The following RALGAPA2 variants were observed in gnomAD, a reference collection of about 807,000 sequenced individuals.
RALGAPA2 encodes the protein Ral GTPase activating protein catalytic subunit alpha 2, also known as ral GTPase-activating protein subunit alpha-2.
In RALGAPA2, 139 loss-of-function variants were observed where a neutral mutation model predicts 230.4. The ratio of observed to expected loss-of-function variants is 0.60; its 90% CI spans 0.53 to 0.69. The LOEUF (loss-of-function observed/expected upper bound fraction) is 0.69. Ranked by LOEUF, RALGAPA2 falls within the 30% of genes least tolerant of loss-of-function variation. The pLI is 0.00. For missense variants in RALGAPA2, 2,163 were observed against 2,276.0 expected (o/e 0.95, Z 1.01); for synonymous variants, 847 against 837.8 (o/e 1.01, Z -0.19).
chr20:20,442,948 A>T (rs1602381678), intron 37 of RALGAPA2, among the ~76,000 whole-genome samples: 2 of 152,330 alleles, frequency 1.3e-5, no homozygotes, highest in Admixed American at 1.3e-4. Flanking sequence ...CTTTACAGTT[A>T]AAAGATGAAG....
At chr20:20,487,849 T>C (rs369183238) in intron 36 of RALGAPA2, among the ~76,000 whole-genome samples, 29 of 151,732 alleles carry the variant, frequency 1.9e-4, no homozygotes, top group African/African-American at 7.0e-4. Flanking sequence ...GAGGCAGAGG[T>C]TGCAGTGAGC....
chr20:20,711,603 C>T (rs1435334949), intron 1 of RALGAPA2, among the ~76,000 whole-genome samples: 1 of 152,100 alleles, frequency 6.6e-6, no homozygotes, highest in Non-Finnish European at 1.5e-5. Flanking sequence ...AACTCCAAGC[C>T]CACCTGAGCT....
chr20:20,524,250 C>A (rs2063131340), intron 30 of RALGAPA2, among the ~76,000 whole-genome samples, 156 bp downstream of exon 30: 2 of 152,152 alleles, frequency 1.3e-5, no homozygotes, highest in Non-Finnish European at 2.9e-5. Flanking sequence ...GCTACCGTGC[C>A]CAGCCAAGTT....
intron 3 of RALGAPA2, among the ~76,000 whole-genome samples, chr20:20,666,950 G>A (rs2067974396): frequency 6.6e-6 from 1 of 152,058 alleles, no homozygotes. Context: ...AGGAAAGGAA[G>A]AAGAAAGGAA....
chr20:20,461,258 A>G (rs2061295800), intron 37 of RALGAPA2, among the ~76,000 whole-genome samples: 1 of 152,230 alleles, frequency 6.6e-6, no homozygotes, highest in African/African-American at 2.4e-5. Flanking sequence ...GAGACATTCT[A>G]AAGAGGCTCT....
At chr20:20,660,719 C>CT (rs927543141) in intron 3 of RALGAPA2, among the ~76,000 whole-genome samples, 2 of 152,068 alleles carry the variant, frequency 1.3e-5, no homozygotes, top group Admixed American at 1.3e-4. Context: ...GCATAAAATA[C>CT]TTTTTTCCTG....
chr20:20,592,649 T>A (rs983750137), intron 16 of RALGAPA2, among the ~76,000 whole-genome samples: 2 of 152,216 alleles, frequency 1.3e-5, no homozygotes, highest in African/African-American at 4.8e-5. Flanking sequence ...ACTCAGCCTG[T>A]ATTATCTTAA....
At chr20:20,643,598 C>A in intron 4 of RALGAPA2, 49 bp from the exon 5 acceptor site, 2 of 1,339,734 alleles carry the variant, frequency 1.5e-6, no homozygotes, top group South Asian at 1.5e-5. Flanking sequence ...AAATGCATAT[C>A]AAAGATCTAT....
At chr20:20,407,220 G>C (rs2059965018) in intron 38 of RALGAPA2, among the ~76,000 whole-genome samples, 1 of 152,194 alleles carries the variant, frequency 6.6e-6, no homozygotes, top group Admixed American at 6.5e-5. Context: ...CTTCAGCAAA[G>C]TTATGGGGAA....
chr20:20,540,412 T>A (rs1362295064), intron 24 of RALGAPA2, among the ~76,000 whole-genome samples: 1 of 152,230 alleles, frequency 6.6e-6, no homozygotes. Flanking sequence ...TATATAACAT[T>A]ACATAACATT....
intron 18 of RALGAPA2, 78 bp downstream of exon 18, chr20:20,589,190 C>T: frequency 7.0e-7 from 1 of 1,420,198 alleles, no homozygotes; most frequent in South Asian, 1.6e-5. Flanking sequence ...TTATCACTGC[C>T]ACCAATAAAT....
chr20:20,460,604 AC>A (rs1455995011), intron 37 of RALGAPA2, among the ~76,000 whole-genome samples: 1 of 152,210 alleles, frequency 6.6e-6, no homozygotes, highest in Non-Finnish European at 1.5e-5. Context: ...CCAACATGAG[AC>A]GTAGAAAAAG....
At chr20:20,546,619 A>C in intron 24 of RALGAPA2, 85 bp downstream of exon 24, 1 of 1,457,470 alleles carries the variant, frequency 6.9e-7, no homozygotes. Context: ...ATGAGTCAAC[A>C]CCTGTTAAGA....
At chr20:20,695,119 T>C (rs6082107) in intron 1 of RALGAPA2, among the ~76,000 whole-genome samples, 144,631 of 152,282 alleles carry the variant, frequency 0.95, 68,771 homozygotes, top group East Asian at 1. Context: ...TTTGAAGAAA[T>C]CTTAAGACCC....
chr20:20,648,025 G>A (rs1012025684), intron 4 of RALGAPA2, among the ~76,000 whole-genome samples: 2 of 152,044 alleles, frequency 1.3e-5, no homozygotes, highest in African/African-American at 2.4e-5. Context: ...ACACAAAGAC[G>A]AGCATAAATG....
chr20:20,613,889 T>C (rs951616840), intron 13 of RALGAPA2, among the ~76,000 whole-genome samples: 5 of 152,188 alleles, frequency 3.3e-5, no homozygotes, highest in African/African-American at 1.2e-4. Flanking sequence ...TCAGGACTCT[T>C]TCCCCTTTGC....
chr20:20,567,965 G>A (rs2064498251), intron 23 of RALGAPA2, among the ~76,000 whole-genome samples: 2 of 151,882 alleles, frequency 1.3e-5, no homozygotes, highest in Admixed American at 6.6e-5. Flanking sequence ...AGATTCAATA[G>A]TACAACATCA....
intron 10 of RALGAPA2, 80 bp from the exon 11 acceptor site, chr20:20,620,710 G>A (rs1175357683): frequency 8.3e-7 from 1 of 1,205,964 alleles, no homozygotes; most frequent in Non-Finnish European, 1.1e-6. Flanking sequence ...CATTCCCAAT[G>A]AGCATCACCC....
chr20:20,501,935 A>G (rs1260118728), intron 35 of RALGAPA2, among the ~76,000 whole-genome samples: 1 of 152,174 alleles, frequency 6.6e-6, no homozygotes, highest in African/African-American at 2.4e-5. Context: ...GTCAGAACAC[A>G]CCGAACATGT....
Sources: allele counts gnomAD v4.1 joint callset (sites outside exome capture counted in the v4.1 genomes callset), GRCh38; gene constraint gnomAD v4.1.1; transcripts MANE v1.5; gene names NCBI Gene and HGNC (gene_info 2026-07-23, HGNC 2026-07-21).